DPP10: variants seen among roughly 807,000 people sequenced by gnomAD.
DPP10 encodes dipeptidyl peptidase like 10.
Under a neutral mutation model 120.9 loss-of-function variants are expected in DPP10, and 33 were observed. The observed-to-expected ratio is 0.27, with a 90% CI of 0.21 to 0.37. The LOEUF (loss-of-function observed/expected upper bound fraction) is 0.37. Ranked by LOEUF, DPP10 falls within the 10% of genes least tolerant of loss-of-function variation. The pLI is 1.00. For missense variants in DPP10, 816 were observed against 942.8 expected (o/e 0.87, Z 1.76); for synonymous variants, 337 against 326.1 (o/e 1.03, Z -0.36).
chr2:115,155,065 T>TA (rs370200676), intron 1 of DPP10, among the ~76,000 whole-genome samples: 165 of 144,484 alleles, frequency 1.1e-3, no homozygotes, highest in African/African-American at 4.0e-3. Flanking sequence ...CTAATTTTAT[T>TA]TATTTTTTTT....
chr2:115,785,062 T>C (rs1468777201), intron 17 of DPP10, among the ~76,000 whole-genome samples: 4 of 152,370 alleles, frequency 2.6e-5, no homozygotes, highest in Admixed American at 6.5e-5. Context: ...TTCGATGTTC[T>C]CTGGCCTAGA....
chr2:114,833,578 A>G (rs1687334587), intron 1 of DPP10: 2 of 152,214 alleles, frequency 1.3e-5, no homozygotes. Flanking sequence ...CTGTGACATC[A>G]TAATTTTGGG....
chr2:115,680,029 T>G (rs1006359961), intron 5 of DPP10, among the ~76,000 whole-genome samples: 4 of 152,008 alleles, frequency 2.6e-5, no homozygotes, highest in African/African-American at 9.7e-5. Flanking sequence ...AATAAATGTT[T>G]TAGGTGATGA....
At chr2:115,699,122 G>A (rs1395687309) in intron 7 of DPP10, among the ~76,000 whole-genome samples, 2 of 147,526 alleles carry the variant, frequency 1.4e-5, no homozygotes, top group Admixed American at 7.0e-5. Flanking sequence ...CAAATAAAAA[G>A]GATTATAATA....
chr2:115,706,301 A>G (rs1215024530), intron 7 of DPP10, among the ~76,000 whole-genome samples: 1 of 151,798 alleles, frequency 6.6e-6, no homozygotes, highest in Non-Finnish European at 1.5e-5. Context: ...ATTTAGAAAT[A>G]ATAAGGTATT....
intron 1 of DPP10, among the ~76,000 whole-genome samples, chr2:114,686,832 A>G (rs1699402244): frequency 6.6e-6 from 1 of 151,974 alleles, no homozygotes; most frequent in Non-Finnish European, 1.5e-5. Context: ...TCTATTTAAC[A>G]TAATTCAAGT....
intron 7 of DPP10, among the ~76,000 whole-genome samples, chr2:115,715,339 C>CAAAAAAA (rs546857779): frequency 1.8e-4 from 12 of 67,604 alleles, no homozygotes; most frequent in South Asian, 6.7e-4. Flanking sequence ...AACTCCGTCT[C>CAAAAAAA]AAAAAAAAAA....
intron 10 of DPP10, among the ~76,000 whole-genome samples, chr2:115,747,662 C>T (rs1307414406): frequency 1.0e-4 from 15 of 148,226 alleles, no homozygotes; most frequent in Non-Finnish European, 1.5e-4. Context: ...GGCACAATCT[C>T]GGCTCACTAC....
chr2:115,315,494 T>C (rs1024868470), intron 2 of DPP10, among the ~76,000 whole-genome samples: 1 of 152,166 alleles, frequency 6.6e-6, no homozygotes, highest in Non-Finnish European at 1.5e-5. Flanking sequence ...GCAGACAATA[T>C]CTTGGCATCT....
At chr2:115,453,923 A>G (rs1319870475) in intron 3 of DPP10, among the ~76,000 whole-genome samples, 1 of 151,402 alleles carries the variant, frequency 6.6e-6, no homozygotes, top group Admixed American at 6.6e-5. Context: ...CATCATTAGG[A>G]CCCTAAAGAC....
chr2:115,363,458 T>A (rs1304413247), intron 3 of DPP10, among the ~76,000 whole-genome samples: 1 of 152,170 alleles, frequency 6.6e-6, no homozygotes, highest in Non-Finnish European at 1.5e-5. Flanking sequence ...TGTGTTGTTC[T>A]CTAAGGCCCA....
At chr2:115,147,363 T>C (rs999837231) in intron 1 of DPP10, among the ~76,000 whole-genome samples, 2 of 152,066 alleles carry the variant, frequency 1.3e-5, no homozygotes, top group African/African-American at 4.8e-5. Context: ...GACAAGACAT[T>C]ATTAAGGATA....
Position 114,518,069 on chromosome 2 carries a change from ATTTTTTTT to A in DPP10, c.60+75252_60+75259del, listed in dbSNP as rs751351962. Among the ~76,000 whole-genome samples the A allele has an allele frequency of 7.4e-5, 4 of 54,146 alleles. No homozygotes were observed. The East Asian group carries it at 1.6e-3, about 22-fold the overall frequency. The allele number at this position is 54,146 out of a possible 152,430, so 35.5% of individuals were successfully genotyped here. On this transcript the variant is annotated intron_variant, in intron 1 of 25. Coordinates refer to ENST00000410059, the MANE Select transcript of DPP10 (RefSeq NM_020868.6). Reference sequence around the variant, plus strand: ...CAATCAGGACTAGTATGAGCTATTCATTTTTTTTTTTTTTTTTTTTTTTTTTTTAGATA... The same window carrying A: ...CAATCAGGACTAGTATGAGCTATTCATTTTTTTTTTTTTTTTTTTTAGATA...
At chr2:115,539,558 C>T (rs1481476052) in intron 5 of DPP10, among the ~76,000 whole-genome samples, 1 of 151,766 alleles carries the variant, frequency 6.6e-6, no homozygotes, top group Non-Finnish European at 1.5e-5. Flanking sequence ...TCCATTAATC[C>T]AAGAAGGATA....
chr2:115,134,156 C>T (rs2104806175), intron 1 of DPP10, among the ~76,000 whole-genome samples: 1 of 152,240 alleles, frequency 6.6e-6, no homozygotes. Context: ...TTTTATGAGA[C>T]ATGATAAAGA....
rs948350132 is a variant in DPP10 at position 115,472,929 on chromosome 2, G to A, written c.272-26581G>A. Among the ~76,000 whole-genome samples, 3 of 152,230 alleles carry A rather than the reference G, an allele frequency of 2.0e-5. No homozygotes were observed. In the East Asian group the frequency reaches 5.8e-4, roughly 29 times the overall value. ...ATTTGCCTGTTAGACTTCTGAGCAG[G>A]TCATACAAGAAGATTGGGAAGCTAT... On this transcript the variant is annotated intron_variant, in intron 3 of 25. Coordinates refer to ENST00000410059, the MANE Select transcript of DPP10 (RefSeq NM_020868.6).
At chr2:115,221,812 A>G (rs1361202229) in intron 1 of DPP10, among the ~76,000 whole-genome samples, 1 of 141,588 alleles carries the variant, frequency 7.1e-6, no homozygotes, top group East Asian at 2.1e-4. Context: ...GGTCTATAAG[A>G]TATTTCTGGA....
At chr2:115,245,151 G>A (rs556427747) in intron 1 of DPP10, among the ~76,000 whole-genome samples, 20 of 151,906 alleles carry the variant, frequency 1.3e-4, no homozygotes, top group Non-Finnish European at 2.8e-4. Context: ...AACTCCATTT[G>A]GGTTGCTATA....
chr2:115,402,958 T>C (rs1333705608), intron 3 of DPP10, among the ~76,000 whole-genome samples: 1 of 146,952 alleles, frequency 6.8e-6, no homozygotes, highest in African/African-American at 2.5e-5. Flanking sequence ...TGTATATATA[T>C]ATATATGTAT....
Sources: gnomAD v4.1 joint callset for allele counts (sites outside exome capture counted in the v4.1 genomes callset) on GRCh38, gnomAD v4.1.1 for gene constraint, MANE v1.5 for transcripts, NCBI Gene and HGNC (gene_info 2026-07-23, HGNC 2026-07-21) for gene names.